KIFC3: variants seen among roughly 807,000 people sequenced by gnomAD.
KIFC3 encodes the protein kinesin family member C3.
A neutral mutation model predicts 101.8 loss-of-function variants in KIFC3; 60 were observed. The observed-to-expected ratio is 0.59, with a 90% CI of 0.48 to 0.73. The LOEUF is 0.73. KIFC3 is among the 30% of genes least tolerant of loss of function. The pLI, the probability that KIFC3 is intolerant of heterozygous loss-of-function variation, is 0.00. For missense variants in KIFC3, 966 were observed against 1,137.1 expected, an observed-to-expected ratio of 0.85 and a Z score of 2.16; for synonymous variants, 476 against 482.7, an observed-to-expected ratio of 0.99 and a Z score of 0.18.
rs921724197 is a variant in KIFC3, at chr16:57,769,746, T to A, written c.1088-21A>T. On this transcript the variant is annotated intron_variant, in intron 8 of 19. Transcript: ENST00000445690. The surrounding 1 kb of genome is among the most constrained non-coding windows in gnomAD (Gnocchi z 4.3). ...GACGCCTATGGGGACACTCGGGCTG[T>A]GAGGCGGGAGGGGATGAGGGGCCGC... 1.9e-6 allele frequency: 3 copies of A among 1,612,756 alleles called. No homozygotes were observed. Among genetic ancestry groups the A allele is most frequent in the African/African-American group, 2.7e-5 (2 of 74,914 alleles).
intron 1 of KIFC3, among the ~76,000 whole-genome samples, chr16:57,839,808 T>G (rs946086003): frequency 6.6e-6 from 1 of 152,080 alleles, no homozygotes; most frequent in African/African-American, 2.4e-5. Context: ...AGTGATTTTT[T>G]CCCCCCTGGA....
chr16:57,823,678 C>T (rs1555630223), intron 1 of KIFC3, among the ~76,000 whole-genome samples: 2 of 152,050 alleles, frequency 1.3e-5, no homozygotes, highest in African/African-American at 2.4e-5. Flanking sequence ...CTGCAACCTC[C>T]ACCCCCCAGG....
At chr16:57,805,486 C>T (rs1264380749), upstream of KIFC3, among the ~76,000 whole-genome samples, 1 of 152,130 alleles carries the variant, frequency 6.6e-6, no homozygotes, top group Non-Finnish European at 1.5e-5. Flanking sequence ...TGGGTTCAGC[C>T]TTAGCCTTGA....
chr16:57,781,300 G>C (rs1478508981), intron 3 of KIFC3, among the ~76,000 whole-genome samples: 1 of 152,202 alleles, frequency 6.6e-6, no homozygotes, highest in Admixed American at 6.5e-5. Flanking sequence ...GGGTGACAGA[G>C]TGAGACCCTG....
chr16:57,771,978 C>T (rs1555609004), intron 4 of KIFC3, among the ~76,000 whole-genome samples: 1 of 152,144 alleles, frequency 6.6e-6, no homozygotes, highest in Admixed American at 6.5e-5. Flanking sequence ...CAAGGAGAGA[C>T]ATATTTATAC....
At chr16:57,764,470 C>A (rs531546307) in intron 11 of KIFC3, 27 of 541,486 alleles carry the variant, frequency 5.0e-5, no homozygotes, top group Non-Finnish European at 8.7e-5. Flanking sequence ...CAGGCCAGTG[C>A]CTGCTGCCCT....
intron 1 of KIFC3, among the ~76,000 whole-genome samples, chr16:57,818,310 A>G (rs1163989981): frequency 1.3e-5 from 2 of 152,152 alleles, no homozygotes; most frequent in Non-Finnish European, 1.5e-5. Context: ...TGGTAAGGAA[A>G]CAGTGGGTTC....
At chr16:57,766,852 C>T (rs781819816) in intron 10 of KIFC3, 22 bp downstream of exon 10, 2 of 1,583,244 alleles carry the variant, frequency 1.3e-6, no homozygotes, top group South Asian at 1.1e-5. Context: ...CCAGCGCCCA[C>T]CCCCAGCCCT....
intron 1 of KIFC3, among the ~76,000 whole-genome samples, chr16:57,830,123 G>A (rs2055544484): frequency 6.6e-6 from 1 of 152,114 alleles, no homozygotes; most frequent in Admixed American, 6.5e-5. Context: ...AGAGAGCACT[G>A]GCTTTGGTGA....
chr16:57,829,248 C>CTTTG (rs879948067), intron 1 of KIFC3, among the ~76,000 whole-genome samples: 10 of 151,670 alleles, frequency 6.6e-5, no homozygotes, highest in South Asian at 2.1e-4. Context: ...TAAGAATAAC[C>CTTTG]TTTGTTTGTT....
intron 1 of KIFC3, among the ~76,000 whole-genome samples, chr16:57,850,979 TTCC>T (rs796679718): frequency 6.2e-4 from 10 of 16,158 alleles, no homozygotes; most frequent in Non-Finnish European, 1.1e-3. Flanking sequence ...CCTTCCTTCC[TTCC>T]TTCCTTCCTT....
At chr16:57,790,028 C>T (rs183409826) in intron 3 of KIFC3, among the ~76,000 whole-genome samples, 9 of 149,158 alleles carry the variant, frequency 6.0e-5, no homozygotes, top group Non-Finnish European at 1.2e-4. Context: ...TGAGCCACTG[C>T]GCCTGGCCAT....
chr16:57,798,614 G>T (rs1006601653), intron 1 of KIFC3: 5 of 419,530 alleles, frequency 1.2e-5, no homozygotes, highest in South Asian at 5.4e-5. Flanking sequence ...AGGAGGCACC[G>T]CGAGTCAGCA....
chr16:57,783,934 G>C (rs549209448), intron 3 of KIFC3, among the ~76,000 whole-genome samples: 329 of 152,342 alleles, frequency 2.2e-3, no homozygotes, highest in Non-Finnish European at 3.7e-3. Flanking sequence ...CAAGGCGCTT[G>C]AGCCACACCT....
At chr16:57,852,989 T>G (rs1029372139) in intron 1 of KIFC3, among the ~76,000 whole-genome samples, 4 of 152,168 alleles carry the variant, frequency 2.6e-5, no homozygotes, top group African/African-American at 9.6e-5. Context: ...ATAGTATATT[T>G]CTTTGTACAG....
At chr16:57,813,595 T>A in intron 1 of KIFC3, 1 of 770,540 alleles carries the variant, frequency 1.3e-6, no homozygotes, top group Non-Finnish European at 1.6e-6. Flanking sequence ...ATCCCAGCCC[T>A]GGGGTCAAAC....
chr16:57,796,316 A>G (rs1457568067), intron 2 of KIFC3, among the ~76,000 whole-genome samples: 1 of 152,240 alleles, frequency 6.6e-6, no homozygotes, highest in Non-Finnish European at 1.5e-5. Flanking sequence ...GCACACAGAA[A>G]GGGCCCACAG....
At chr16:57,809,632 G>A (rs146682643) in intron 1 of KIFC3, among the ~76,000 whole-genome samples, 381 of 152,272 alleles carry the variant, frequency 2.5e-3, no homozygotes, top group Non-Finnish European at 4.3e-3. Flanking sequence ...GTGTGGGGAG[G>A]GAAGGGAGAA....
chr16:57,762,017 A>G, intron 13 of KIFC3, 123 bp downstream of exon 13: 1 of 1,277,984 alleles, frequency 7.8e-7, no homozygotes. Flanking sequence ...AGGATCCCAA[A>G]GCTGCCCCTG....
Sources: gnomAD v4.1 joint callset for allele counts (sites outside exome capture counted in the v4.1 genomes callset) on GRCh38, gnomAD v4.1.1 for gene constraint, Gnocchi (gnomAD v3.1) non-coding constraint, MANE v1.5 for transcripts, NCBI Gene and HGNC (gene_info 2026-07-23, HGNC 2026-07-21) for gene names.